MID1: variants seen among roughly 807,000 people sequenced by gnomAD.
MID1 encodes the protein E3 ubiquitin-protein ligase Midline-1.
In MID1, 7 loss-of-function variants were observed where a neutral mutation model predicts 40.4. The observed-to-expected ratio is 0.17, with a 90% CI of 0.10 to 0.33. The LOEUF (loss-of-function observed/expected upper bound fraction) is 0.33, where lower values mean the gene tolerates loss of function less well. MID1 is among the 10% of genes least tolerant of loss of function. The pLI is 1.00. For missense variants in MID1, 367 were observed against 558.5 expected (o/e 0.66, Z 3.46); for synonymous variants, 229 against 221.2 (o/e 1.04, Z -0.31).
chrX:10,672,709 AT>A (rs1038885921), intron 1 of MID1, among the ~76,000 whole-genome samples: 2 of 109,625 alleles, frequency 1.8e-5, no homozygotes, highest in Non-Finnish European at 3.8e-5. Flanking sequence ...GTGTTGTTTA[AT>A]TTTTTTTTGA....
intron 1 of MID1, among the ~76,000 whole-genome samples, chrX:10,732,954 C>T (rs926601508): frequency 8.3e-5 from 9 of 108,395 alleles, no homozygotes. Context: ...ACCTCCACCT[C>T]CCGGGTTCAT....
chrX:10,730,545 C>A (rs1311606781), intron 1 of MID1, among the ~76,000 whole-genome samples: 1 of 108,005 alleles, frequency 9.3e-6, no homozygotes, highest in Non-Finnish European at 1.9e-5. Flanking sequence ...CCGCAACTAA[C>A]CTTTCAGATC....
intron 2 of MID1, among the ~76,000 whole-genome samples, chrX:10,564,462 T>C (rs1934449796): frequency 8.9e-6 from 1 of 112,287 alleles, no homozygotes; most frequent in Admixed American, 9.4e-5. Context: ...CAAATGCTCA[T>C]AAGTACATCT....
chrX:10,468,087 C>T (rs1374340392), intron 7 of MID1, among the ~76,000 whole-genome samples: 1 of 112,192 alleles, frequency 8.9e-6, no homozygotes, highest in Non-Finnish European at 1.9e-5. Flanking sequence ...TCCCTACTGA[C>T]TCAGGCAGCT....
intron 1 of MID1, among the ~76,000 whole-genome samples, chrX:10,656,034 C>T (rs750030932): frequency 1.2e-3 from 133 of 112,019 alleles, no homozygotes; most frequent in Middle Eastern, 4.6e-3. Context: ...TGTTATGCAG[C>T]GCTGGATAAC....
At chrX:10,682,456 A>C (rs1314662775) in intron 1 of MID1, among the ~76,000 whole-genome samples, 2 of 110,738 alleles carry the variant, frequency 1.8e-5, no homozygotes, top group Non-Finnish European at 3.8e-5. Flanking sequence ...GTAAGCATTT[A>C]ATTGCTGCAA....
At chrX:10,666,623 C>T (rs925741382) in intron 1 of MID1, among the ~76,000 whole-genome samples, 1 of 111,308 alleles carries the variant, frequency 9.0e-6, no homozygotes, top group Non-Finnish European at 1.9e-5. Context: ...CAAAGATACT[C>T]GGCCTAGTTC....
intron 1 of MID1, among the ~76,000 whole-genome samples, chrX:10,735,363 A>C (rs2043480936): frequency 8.9e-6 from 1 of 112,159 alleles, no homozygotes; most frequent in Admixed American, 9.4e-5. Context: ...CAGCCTCCCA[A>C]AGTGCTGGGA....
At chrX:10,751,140 C>T (rs764903710) in intron 1 of MID1, among the ~76,000 whole-genome samples, 53 of 109,397 alleles carry the variant, frequency 4.8e-4, no homozygotes, top group Non-Finnish European at 8.2e-4. Context: ...TGGCGCACCC[C>T]AGTAATTCCA....
chrX:10,809,281 G>T (rs922760630), intron 1 of MID1, among the ~76,000 whole-genome samples: 1 of 111,681 alleles, frequency 9.0e-6, no homozygotes, highest in African/African-American at 3.3e-5. Flanking sequence ...GGAAACAACA[G>T]GTGCTAGAGA....
chrX:10,520,522 T>C (rs1162493887), intron 3 of MID1, among the ~76,000 whole-genome samples: 2 of 112,349 alleles, frequency 1.8e-5, no homozygotes, highest in Middle Eastern at 9.3e-3. Context: ...TATAGGCACA[T>C]AGGAGGCTAT....
chrX:10,451,823 T>C (rs1021397330), intron 9 of MID1, among the ~76,000 whole-genome samples: 26 of 111,591 alleles, frequency 2.3e-4, no homozygotes, highest in African/African-American at 7.6e-4. Flanking sequence ...CCCAGCCACA[T>C]AGAACTGTAA....
chrX:10,533,435 GAGAA>G (rs1933108842), intron 2 of MID1, among the ~76,000 whole-genome samples: 1 of 75,794 alleles, frequency 1.3e-5, no homozygotes, highest in African/African-American at 5.0e-5. Context: ...AAGAAAGAAA[GAGAA>G]AGAAAAGAAA....
intron 1 of MID1, among the ~76,000 whole-genome samples, chrX:10,731,627 A>G (rs942531821): frequency 3.6e-5 from 4 of 111,649 alleles, no homozygotes; most frequent in African/African-American, 6.5e-5. Flanking sequence ...TTTAAAATCA[A>G]TGATCTAAGT....
chrX:10,489,566 T>C (rs1196197971), intron 4 of MID1, among the ~76,000 whole-genome samples: 1 of 112,439 alleles, frequency 8.9e-6, no homozygotes, highest in Non-Finnish European at 1.9e-5. Context: ...ACTTCTCAAG[T>C]CTTTTTGCTG....
At chrX:10,702,149 A>G (rs2043197466) in intron 1 of MID1, among the ~76,000 whole-genome samples, 1 of 112,747 alleles carries the variant, frequency 8.9e-6, no homozygotes, top group Admixed American at 9.4e-5. Context: ...CCAACTTGCC[A>G]AGAATAAGGA....
chrX:10,586,498 T>C (rs976412000), intron 1 of MID1, among the ~76,000 whole-genome samples: 9 of 112,147 alleles, frequency 8.0e-5, no homozygotes, highest in African/African-American at 2.3e-4. Flanking sequence ...TACACAGTTA[T>C]GTTTAACTGG....
rs1285580080 is a variant in MID1 at position 10,463,047 on chromosome X, G to A, written c.1286-3240C>T. ...GAATAAGAATAGGCTGCTGGGGAAA[G>A]GACCCAATTTAAGACTTAAAATGAA... On this transcript the variant is annotated intron_variant, in intron 7 of 9. Transcript: ENST00000317552. Among the ~76,000 whole-genome samples, 29 of 111,797 alleles carry A rather than the reference G, an allele frequency of 2.6e-4. No individual in the cohort carries two copies. In the Admixed American group the frequency reaches 2.8e-3, roughly 11 times the overall value.
intron 1 of MID1, among the ~76,000 whole-genome samples, chrX:10,616,443 G>T (rs1368601491): frequency 8.9e-6 from 1 of 111,926 alleles, no homozygotes; most frequent in Non-Finnish European, 1.9e-5. Context: ...GTCCTGATTT[G>T]CCCCTACCTT....
Sources: gnomAD v4.1 joint callset for allele counts (sites outside exome capture counted in the v4.1 genomes callset) on GRCh38, gnomAD v4.1.1 for gene constraint, MANE v1.5 for transcripts, NCBI Gene and HGNC (gene_info 2026-07-23, HGNC 2026-07-21) for gene names.